Variants in MSI2 observed in about 807,000 individuals in gnomAD.
MSI2 encodes the protein RNA-binding protein Musashi homolog 2.
Under a neutral mutation model 45.6 loss-of-function variants are expected in MSI2, and 17 were observed. That is an observed-to-expected ratio of 0.37 (90% CI 0.26 to 0.56). The LOEUF (loss-of-function observed/expected upper bound fraction) is 0.56, where lower values mean the gene tolerates loss of function less well. Ranked by LOEUF, MSI2 falls within the 20% of genes least tolerant of loss-of-function variation. The pLI, the probability that MSI2 is intolerant of heterozygous loss-of-function variation, is 0.77. For synonymous variants in MSI2, 156 were observed against 158.2 expected (o/e 0.99, Z 0.11); for missense variants, 293 against 444.2 (o/e 0.66, Z 3.06).
chr17:57,598,455 G>A (rs944417408), intron 8 of MSI2, among the ~76,000 whole-genome samples: 13 of 152,076 alleles, frequency 8.5e-5, no homozygotes, highest in African/African-American at 2.2e-4. Flanking sequence ...AATATTGTTC[G>A]TATTGTTCCT....
chr17:57,578,438 C>G (rs1165544020), intron 7 of MSI2, among the ~76,000 whole-genome samples: 1 of 152,006 alleles, frequency 6.6e-6, no homozygotes, highest in African/African-American at 2.4e-5. Context: ...AAAGACAGTT[C>G]CTACTGGCCT....
At chr17:57,439,184 G>A (rs74775541) in intron 6 of MSI2, among the ~76,000 whole-genome samples, 122 of 152,290 alleles carry the variant, frequency 8.0e-4, no homozygotes, top group Non-Finnish European at 1.2e-3. Flanking sequence ...ACATTTCTCC[G>A]TCCCTCTGGT....
At chr17:57,591,144 G>A (rs973380191) in intron 7 of MSI2, among the ~76,000 whole-genome samples, 2 of 152,194 alleles carry the variant, frequency 1.3e-5, no homozygotes, top group Admixed American at 1.3e-4. Context: ...CCCTTGCTGA[G>A]TGAGGATAAT....
chr17:57,384,768 A>C (rs899233338), intron 5 of MSI2, among the ~76,000 whole-genome samples: 60 of 152,288 alleles, frequency 3.9e-4, no homozygotes, highest in African/African-American at 1.3e-3. Flanking sequence ...CCATGATTTC[A>C]GTGGCCACTA....
chr17:57,565,300 C>T (rs1296711451), intron 7 of MSI2, among the ~76,000 whole-genome samples: 1 of 152,222 alleles, frequency 6.6e-6, no homozygotes, highest in African/African-American at 2.4e-5. Context: ...CATCTGAATT[C>T]GGTTCCAGCC....
intron 11 of MSI2, among the ~76,000 whole-genome samples, chr17:57,674,603 ACTCTCTCTCT>A (rs761335564): frequency 7.2e-6 from 1 of 138,728 alleles, no homozygotes; most frequent in Non-Finnish European, 1.6e-5. Flanking sequence ...TGAAAAAAAA[ACTCTCTCTCT>A]CTCTCTCTCT....
intron 7 of MSI2, among the ~76,000 whole-genome samples, chr17:57,543,180 C>T (rs1435103896): frequency 6.6e-6 from 1 of 152,130 alleles, no homozygotes; most frequent in African/African-American, 2.4e-5. Context: ...CTGAAGAGGG[C>T]CTTGGAGACC....
chr17:57,548,688 C>A lies in MSI2; in HGVS notation c.454+18964C>A, dbSNP rs545716342. On this transcript the variant is annotated intron_variant, in intron 7 of 13. Coordinates refer to ENST00000284073, the MANE Select transcript of MSI2 (RefSeq NM_138962.4). ...GAAGTTTGGTGTGGGGGGCTGGGAG[C>A]GGGTGGGGGTGGTGCAGAGGGAGAG... is the stretch of plus-strand genomic sequence containing the variant. Among the ~76,000 whole-genome samples, 970 of 139,450 alleles carry A rather than the reference C, an allele frequency of 7.0e-3. 10 individuals carry two copies. Among genetic ancestry groups the A allele is most frequent in the Middle Eastern group, 0.028 (8 of 282 alleles). The allele number at this position is 139,450 out of a possible 152,430, so 91.5% of individuals were successfully genotyped here.
chr17:57,292,563 A>G (rs1479537614), intron 5 of MSI2, among the ~76,000 whole-genome samples: 1 of 151,094 alleles, frequency 6.6e-6, no homozygotes, highest in Non-Finnish European at 1.5e-5. Context: ...GGTGCTTGTT[A>G]GAAATGGAGG....
chr17:57,546,662 T>C (rs921854743), intron 7 of MSI2, among the ~76,000 whole-genome samples: 3 of 152,190 alleles, frequency 2.0e-5, no homozygotes, highest in African/African-American at 7.2e-5. Flanking sequence ...CTTGAAGTCA[T>C]TGGCACTTCT....
intron 6 of MSI2, among the ~76,000 whole-genome samples, chr17:57,524,724 A>G (rs1395974021): frequency 1.3e-5 from 2 of 152,220 alleles, no homozygotes; most frequent in Non-Finnish European, 2.9e-5. Flanking sequence ...ATTTTAGAAT[A>G]TAAACATCTG....
chr17:57,412,276 G>C (rs1187618400), intron 6 of MSI2, among the ~76,000 whole-genome samples: 1 of 152,094 alleles, frequency 6.6e-6, no homozygotes, highest in Non-Finnish European at 1.5e-5. Context: ...GACCTCAAGT[G>C]ATCTGCCTAC....
rs555572419 is a variant in MSI2 at position 57,596,676 on chromosome 17, C to T, written c.455-192C>T. ...GTGGGTGAAATCATTAACTTTTCCT[C>T]GCTGTCGGAAGGGTGCTCAGTACAA... On this transcript the variant is annotated intron_variant, in intron 7 of 13. Coordinates refer to ENST00000284073, the MANE Select transcript of MSI2 (RefSeq NM_138962.4). The surrounding 1 kb of genome is among the most constrained non-coding windows in gnomAD (Gnocchi z 4.6). Among the ~76,000 whole-genome samples the T allele has an allele frequency of 1.3e-5, 2 of 152,348 alleles. No individual in the cohort carries two copies. Among genetic ancestry groups the T allele is most frequent in the East Asian group, 1.9e-4 (1 of 5,186 alleles).
intron 6 of MSI2, among the ~76,000 whole-genome samples, chr17:57,498,376 A>C (rs1230676475): frequency 6.6e-6 from 1 of 152,266 alleles, no homozygotes; most frequent in Non-Finnish European, 1.5e-5. Context: ...GATGATGAGC[A>C]CCTAGGCCGC....
At chr17:57,527,706 G>T (rs2086733957) in intron 6 of MSI2, among the ~76,000 whole-genome samples, 1 of 152,254 alleles carries the variant, frequency 6.6e-6, no homozygotes, top group Non-Finnish European at 1.5e-5. Flanking sequence ...AGCAACAAAA[G>T]GGGGCCCTGA....
chr17:57,446,189 T>G (rs1307338994), intron 6 of MSI2, among the ~76,000 whole-genome samples: 1 of 152,104 alleles, frequency 6.6e-6, no homozygotes, highest in Non-Finnish European at 1.5e-5. Context: ...AGGCATAGCC[T>G]TCAGAGAGGC....
At chr17:57,409,876 T>C (rs1206373867) in intron 6 of MSI2, among the ~76,000 whole-genome samples, 4 of 151,700 alleles carry the variant, frequency 2.6e-5, no homozygotes, top group Non-Finnish European at 4.4e-5. Flanking sequence ...AGCGTGGTGG[T>C]GGGCACCTGT....
At chr17:57,581,105 C>A (rs914261715) in intron 7 of MSI2, among the ~76,000 whole-genome samples, 3 of 149,942 alleles carry the variant, frequency 2.0e-5, no homozygotes, top group African/African-American at 7.4e-5. Context: ...CTCCACCTCC[C>A]AGGTTCAAGC....
At chr17:57,546,539 C>T (rs2087171716) in intron 7 of MSI2, among the ~76,000 whole-genome samples, 2 of 152,198 alleles carry the variant, frequency 1.3e-5, no homozygotes, top group Admixed American at 1.3e-4. Context: ...TTGCCTTTAT[C>T]AAACCTAGGC....
Sources: gnomAD v4.1 joint callset for allele counts (sites outside exome capture counted in the v4.1 genomes callset) on GRCh38, gnomAD v4.1.1 for gene constraint, Gnocchi (gnomAD v3.1) non-coding constraint, MANE v1.5 for transcripts, NCBI Gene and HGNC (gene_info 2026-07-23, HGNC 2026-07-21) for gene names.